Variants in TCF4 observed in about 807,000 individuals in gnomAD.
The protein encoded by TCF4 is transcription factor 4, also known as SL3-3 enhancer factor 2.
A neutral mutation model predicts 82.1 loss-of-function variants in TCF4; 3 were observed. That is an observed-to-expected ratio of 0.04 (90% CI 0.02 to 0.09). The LOEUF (loss-of-function observed/expected upper bound fraction) is 0.09. Ranked by LOEUF, TCF4 falls within the 10% of genes least tolerant of loss-of-function variation. The pLI is 1.00. For missense variants in TCF4, 518 were observed against 852.7 expected, an observed-to-expected ratio of 0.61 and a Z score of 4.89; for synonymous variants, 276 against 309.6, an observed-to-expected ratio of 0.89 and a Z score of 1.14.
At chr18:55,540,811 T>C (rs1448647177) in intron 3 of TCF4, among the ~76,000 whole-genome samples, 2 of 152,070 alleles carry the variant, frequency 1.3e-5, no homozygotes, top group East Asian at 3.8e-4. Flanking sequence ...GATTTCGTCT[T>C]TATCCACAGG....
At chr18:55,513,867 T>C (rs998039499) in intron 3 of TCF4, among the ~76,000 whole-genome samples, 2 of 152,224 alleles carry the variant, frequency 1.3e-5, no homozygotes, top group East Asian at 1.9e-4. Context: ...AAAATACATA[T>C]GCATTAAAGT....
chr18:55,422,990 C>A (rs1308826003), intron 5 of TCF4, among the ~76,000 whole-genome samples: 1 of 152,006 alleles, frequency 6.6e-6, no homozygotes, highest in African/African-American at 2.4e-5. Context: ...ACCAAACACA[C>A]ACACACACAC....
chr18:55,409,947 GAATCTTACGAT>G (rs1235262655), intron 5 of TCF4, among the ~76,000 whole-genome samples: 1 of 152,126 alleles, frequency 6.6e-6, no homozygotes, highest in East Asian at 1.9e-4. Context: ...CTCTCCTACA[GAATCTTACGAT>G]ACAGGGACAA....
intron 3 of TCF4, among the ~76,000 whole-genome samples, chr18:55,494,393 A>G (rs750289386): frequency 6.6e-6 from 1 of 152,062 alleles, no homozygotes; most frequent in Non-Finnish European, 1.5e-5. Flanking sequence ...GGGACTTCTC[A>G]GCTAAATAGA....
intron 8 of TCF4, among the ~76,000 whole-genome samples, chr18:55,346,472 C>A (rs1324105790): frequency 2.6e-5 from 4 of 152,112 alleles, no homozygotes; most frequent in Non-Finnish European, 5.9e-5. Flanking sequence ...CCCCTCTGTA[C>A]TTTAACGTAG....
At chr18:55,406,499 G>A (rs2094097549) in intron 5 of TCF4, among the ~76,000 whole-genome samples, 1 of 151,952 alleles carries the variant, frequency 6.6e-6, no homozygotes, top group Non-Finnish European at 1.5e-5. Context: ...AATTAGCTAT[G>A]GTCTTGATGT....
At position 55,403,338 on chromosome 18, in the gene TCF4, T is replaced by G. The variant is rs2093930215; in HGVS notation, c.369+116A>C. The stretch of plus-strand genomic sequence containing the variant: ...ATTACTTAAAGAGAGAGCCATCATC[T>G]GACTTGCCGGTGCATCTTTGGTGTC... On this transcript the variant is annotated intron_variant, in intron 6 of 19. Transcript: ENST00000354452. 7 of 1,160,692 alleles carry G rather than the reference T, an allele frequency of 6.0e-6. No individual in the cohort carries two copies. In the South Asian group the frequency reaches 7.4e-5, roughly 12 times the overall value. 71.9% of individuals were successfully genotyped at this position (1,160,692 alleles called of 1,614,324 possible). A position where few individuals can be genotyped will look rare whatever the true frequency, so the allele number is the denominator to read the frequency against.
chr18:55,571,347 C>G (rs1008392541), intron 3 of TCF4, among the ~76,000 whole-genome samples: 1 of 152,186 alleles, frequency 6.6e-6, no homozygotes, highest in African/African-American at 2.4e-5. Context: ...AAACAACATA[C>G]AGTATTGTTT....
chr18:55,241,161 T>C (rs2051084902), intron 15 of TCF4, among the ~76,000 whole-genome samples: 1 of 152,356 alleles, frequency 6.6e-6, no homozygotes, highest in East Asian at 1.9e-4. Flanking sequence ...TTCTATGATA[T>C]AGTTCAAGAA....
At chr18:55,379,346 C>T (rs1621581) in intron 6 of TCF4, among the ~76,000 whole-genome samples, 68,784 of 152,004 alleles carry the variant, frequency 0.45, 16,404 homozygotes, top group African/African-American at 0.62. Context: ...GGACAATGTG[C>T]CTGCACAGAT....
At chr18:55,351,489 G>A (rs996299788) in intron 6 of TCF4, among the ~76,000 whole-genome samples, 4 of 151,864 alleles carry the variant, frequency 2.6e-5, no homozygotes, top group Admixed American at 6.6e-5. Context: ...GATTCTCCAC[G>A]AACTGACATA....
At chr18:55,314,698 C>A (rs543316793) in intron 8 of TCF4, among the ~76,000 whole-genome samples, 1 of 151,286 alleles carries the variant, frequency 6.6e-6, no homozygotes, top group East Asian at 1.9e-4. Context: ...AAAATGGTAA[C>A]CAAAGAGGTG....
At chr18:55,432,057 T>A (rs147859731) in intron 5 of TCF4, among the ~76,000 whole-genome samples, 107 of 152,288 alleles carry the variant, frequency 7.0e-4, no homozygotes, top group African/African-American at 2.5e-3. Flanking sequence ...ATCCCAGCAC[T>A]TTGGGAGGCC....
At chr18:55,376,339 A>G (rs1479116455) in intron 6 of TCF4, among the ~76,000 whole-genome samples, 1 of 152,098 alleles carries the variant, frequency 6.6e-6, no homozygotes, top group Non-Finnish European at 1.5e-5. Context: ...AATATTTCTT[A>G]GAACATGAAA....
At chr18:55,497,508 A>C (rs980281594) in intron 3 of TCF4, among the ~76,000 whole-genome samples, 1 of 152,180 alleles carries the variant, frequency 6.6e-6, no homozygotes, top group Non-Finnish European at 1.5e-5. Flanking sequence ...GGGATACAAT[A>C]TTTGTCTTCA....
chr18:55,406,649 C>T (rs2094105353), intron 5 of TCF4, among the ~76,000 whole-genome samples: 1 of 152,164 alleles, frequency 6.6e-6, no homozygotes, highest in Non-Finnish European at 1.5e-5. Context: ...TCTGTGTTTA[C>T]TCTATGTCAG....
intron 3 of TCF4, among the ~76,000 whole-genome samples, chr18:55,477,454 G>A (rs2096315595): frequency 6.6e-6 from 1 of 152,172 alleles, no homozygotes; most frequent in African/African-American, 2.4e-5. Flanking sequence ...AAAGGTGTAC[G>A]GTGTTATAAT....
chr18:55,295,343 G>A (rs1048013354), intron 8 of TCF4, among the ~76,000 whole-genome samples: 1 of 152,180 alleles, frequency 6.6e-6, no homozygotes, highest in African/African-American at 2.4e-5. Flanking sequence ...CGGTGATGAG[G>A]ACGATGATGA....
At chr18:55,557,398 T>G (rs2097314315) in intron 3 of TCF4, among the ~76,000 whole-genome samples, 1 of 152,020 alleles carries the variant, frequency 6.6e-6, no homozygotes, top group South Asian at 2.1e-4. Context: ...TATAGGGAGA[T>G]GCCATCTCTA....
Sources: allele counts gnomAD v4.1 joint callset (sites outside exome capture counted in the v4.1 genomes callset), GRCh38; gene constraint gnomAD v4.1.1; transcripts MANE v1.5; gene names NCBI Gene and HGNC (gene_info 2026-07-23, HGNC 2026-07-21).